Variants in GALNTL6 observed in about 807,000 individuals in gnomAD.
GALNTL6 encodes polypeptide N-acetylgalactosaminyltransferase like 6.
In GALNTL6, 46 loss-of-function variants were observed where a neutral mutation model predicts 73.7. The ratio of observed to expected loss-of-function variants is 0.62; its 90% CI spans 0.49 to 0.80. GALNTL6 has a LOEUF of 0.80. Ranked by LOEUF, GALNTL6 falls within the 30% of genes least tolerant of loss-of-function variation. GALNTL6 has a pLI of 0.00. For synonymous variants in GALNTL6, 259 were observed against 263.7 expected, an observed-to-expected ratio of 0.98 and a Z score of 0.17; for missense variants, 604 against 755.0, an observed-to-expected ratio of 0.80 and a Z score of 2.34.
chr4:172,743,019 G>A (rs1163460601), intron 5 of GALNTL6, among the ~76,000 whole-genome samples: 2 of 151,992 alleles, frequency 1.3e-5, no homozygotes, highest in Non-Finnish European at 2.9e-5. Context: ...GTTACATGGT[G>A]ATTTGACGTC....
At chr4:172,286,775 A>G (rs1739272073) in intron 3 of GALNTL6, among the ~76,000 whole-genome samples, 1 of 152,198 alleles carries the variant, frequency 6.6e-6, no homozygotes, top group Admixed American at 6.5e-5. Context: ...TTCAACTATG[A>G]AAATATTCAT....
Position 172,461,246 on chromosome 4 carries a change from A to G in GALNTL6, c.553+112557A>G, listed in dbSNP as rs534526821. Among the ~76,000 whole-genome samples the G allele has an allele frequency of 3.9e-4, 59 of 152,278 alleles. 1 individual carries two copies. The highest frequency in any genetic ancestry group is 1.3e-3 in the African/African-American group (55 of 41,556). On this transcript the variant is annotated intron_variant, in intron 5 of 12. Transcript: ENST00000506823. The stretch of plus-strand genomic sequence containing the variant: ...GTGGGGCTAGGGGAGGGATAGCATT[A>G]GTAGAAAAACCTAATGTAGGTGACG...
chr4:172,699,913 T>C lies in GALNTL6; in HGVS notation c.554-109448T>C, dbSNP rs147024289. Among the ~76,000 whole-genome samples, 1,156 of 152,264 alleles carry C rather than the reference T, an allele frequency of 7.6e-3. 21 individuals carry two copies. Among genetic ancestry groups the C allele is most frequent in the Admixed American group, 6.4e-3 (98 of 15,284 alleles). On this transcript the variant is annotated intron_variant, in intron 5 of 12. Transcript: ENST00000506823. ...TCAATAAAGAAGCAGTTGAGGCCTG[T>C]AATAGGATGCAAGTATCTAAACACT...
chr4:172,323,503 ATTC>A (rs1369597461), intron 4 of GALNTL6, among the ~76,000 whole-genome samples: 1 of 152,158 alleles, frequency 6.6e-6, no homozygotes, highest in African/African-American at 2.4e-5. Context: ...TTGACATTTT[ATTC>A]TTCTATTGAG....
chr4:172,556,047 C>G (rs1184860073), intron 5 of GALNTL6, among the ~76,000 whole-genome samples: 1 of 152,056 alleles, frequency 6.6e-6, no homozygotes, highest in African/African-American at 2.4e-5. Context: ...AGGATACCTT[C>G]TGGCATTTAA....
chr4:172,762,731 AG>A (rs1738184162), intron 5 of GALNTL6, among the ~76,000 whole-genome samples: 1 of 152,026 alleles, frequency 6.6e-6, no homozygotes, highest in Non-Finnish European at 1.5e-5. Context: ...GTAGAAAAAA[AG>A]CAAGGTTGAA....
At chr4:172,035,823 G>A (rs1357756012) in intron 2 of GALNTL6, among the ~76,000 whole-genome samples, 2 of 152,132 alleles carry the variant, frequency 1.3e-5, no homozygotes, top group African/African-American at 4.8e-5. Flanking sequence ...TTGTCAACTA[G>A]AGAAATGACT....
intron 2 of GALNTL6, among the ~76,000 whole-genome samples, chr4:171,904,143 A>G (rs997110291): frequency 6.6e-6 from 1 of 152,258 alleles, no homozygotes; most frequent in African/African-American, 2.4e-5. Context: ...AGCTGGACGG[A>G]GAATGACTTT....
intron 2 of GALNTL6, among the ~76,000 whole-genome samples, chr4:171,851,723 A>G (rs1261373780): frequency 6.6e-6 from 1 of 152,242 alleles, no homozygotes; most frequent in Middle Eastern, 3.2e-3. Flanking sequence ...AAGTCATAAT[A>G]AAGCAGGCTG....
chr4:172,952,164 A>G lies in GALNTL6; in HGVS notation c.1277A>G (p.Lys426Arg), dbSNP rs370310928. The G allele has an allele frequency of 2.5e-6, 4 of 1,614,142 alleles. No homozygotes were observed. The highest frequency in any genetic ancestry group is 2.5e-6 in the Non-Finnish European group (3 of 1,180,012). Residue 426 changes from lysine to arginine, a missense_variant, in exon 10 of 13, where the codon AAG becomes AGG. Around this residue, in one of 5 missense-constraint regions of GALNTL6, gnomAD observed 261 missense variants for 296.5 expected, o/e 0.88. Coordinates refer to ENST00000506823, the MANE Select transcript of GALNTL6 (RefSeq NM_001034845.3). ...CAGAAGGAGCTGCGCAAGCAGCTCA[A>G]GTGCAAGGACTTCAAATGGTTCATG... is the stretch of plus-strand genomic sequence containing the variant. ...SAQKELRKQL[K>R]CKDFKWFMAA...
At chr4:172,739,737 C>G (rs1183067907) in intron 5 of GALNTL6, among the ~76,000 whole-genome samples, 2 of 151,996 alleles carry the variant, frequency 1.3e-5, no homozygotes, top group Admixed American at 6.6e-5. Flanking sequence ...CAATTCTCAG[C>G]ATTTTATTAC....
At chr4:172,859,760 C>T (rs1397053594) in intron 7 of GALNTL6, among the ~76,000 whole-genome samples, 1 of 152,102 alleles carries the variant, frequency 6.6e-6, no homozygotes, top group African/African-American at 2.4e-5. Flanking sequence ...GCCTGAGCTC[C>T]ATCTCCTGTC....
At chr4:172,301,265 T>C (rs1739907630) in intron 3 of GALNTL6, among the ~76,000 whole-genome samples, 1 of 151,656 alleles carries the variant, frequency 6.6e-6, no homozygotes, top group South Asian at 2.1e-4. Flanking sequence ...GTTAGCTATT[T>C]GTCTAATCTT....
chr4:171,996,409 C>A (rs1405935449), intron 2 of GALNTL6, among the ~76,000 whole-genome samples: 1 of 152,002 alleles, frequency 6.6e-6, no homozygotes, highest in African/African-American at 2.4e-5. Flanking sequence ...AGATTTCTAA[C>A]ATACTTAGGA....
Position 172,866,198 on chromosome 4 carries a change from C to A in GALNTL6, c.924-16592C>A, listed in dbSNP as rs1030722855. Among the ~76,000 whole-genome samples, 9 of 152,274 alleles carry A rather than the reference C, an allele frequency of 5.9e-5. No individual in the cohort carries two copies. The South Asian group carries it at 1.0e-3, about 18-fold the overall frequency. On this transcript the variant is annotated intron_variant, in intron 7 of 12. Coordinates refer to ENST00000506823, the MANE Select transcript of GALNTL6 (RefSeq NM_001034845.3). ...CCAAATGTCTCCCTACATAGCCTCT[C>A]TAAAATAGAAATCTGATTATGCCAT...
chr4:172,140,000 CT>C (rs10569662), intron 2 of GALNTL6, among the ~76,000 whole-genome samples: 66,078 of 149,020 alleles, frequency 0.44, 14,924 homozygotes, highest in African/African-American at 0.54. Flanking sequence ...TTTAAATAGT[CT>C]TTTTTTTTTT....
At position 172,844,952 on chromosome 4, in the gene GALNTL6, A is replaced by G. The variant is rs531834136; in HGVS notation, c.923+31229A>G. ...AGATTCTGGCTGGGCGCGGTGGCTC[A>G]CACCTGTAATCCCAGCACTTTGGGA... On this transcript the variant is annotated intron_variant, in intron 7 of 12. Transcript: ENST00000506823. 1.2e-4 allele frequency among the ~76,000 whole-genome samples: 18 copies of G among 152,284 alleles called. No individual in the cohort carries two copies. In the East Asian group the frequency reaches 3.3e-3, roughly 28 times the overall value.
intron 5 of GALNTL6, among the ~76,000 whole-genome samples, chr4:172,789,267 A>G (rs1336564394): frequency 1.3e-5 from 2 of 152,148 alleles, no homozygotes; most frequent in African/African-American, 4.8e-5. Context: ...ATTTTCTGTA[A>G]CAGCTCACAG....
chr4:171,920,145 C>A (rs185763009), intron 2 of GALNTL6, among the ~76,000 whole-genome samples: 1 of 151,960 alleles, frequency 6.6e-6, no homozygotes, highest in African/African-American at 2.4e-5. Flanking sequence ...AACCAAACAC[C>A]GCTTGTTCTC....
Sources: gnomAD v4.1 joint callset for allele counts (sites outside exome capture counted in the v4.1 genomes callset) on GRCh38, gnomAD v4.1.1 for gene constraint, gnomAD v4.1.1 regional missense constraint, MANE v1.5 for transcripts, NCBI Gene and HGNC (gene_info 2026-07-23, HGNC 2026-07-21) for gene names.